The following SLCO1B3 variants were observed in gnomAD, a reference collection of about 807,000 sequenced individuals.
SLCO1B3 encodes liver-specific organic anion transporter 2.
In SLCO1B3, 72 loss-of-function variants were observed where a neutral mutation model predicts 71.8. The observed-to-expected ratio is 1.00, with a 90% CI of 0.83 to 1.22. The LOEUF (loss-of-function observed/expected upper bound fraction) is 1.22, where lower values mean the gene tolerates loss of function less well. SLCO1B3 is among the 50% of genes most tolerant of loss of function. The pLI, the probability that SLCO1B3 is intolerant of heterozygous loss-of-function variation, is 0.00. For missense variants in SLCO1B3, 911 were observed against 819.7 expected (o/e 1.11, Z -1.36); for synonymous variants, 298 against 278.4 (o/e 1.07, Z -0.70).
chr12:20,827,143 ACCATG>A (rs2121113888), intron 3 of SLCO1B3, among the ~76,000 whole-genome samples: 2 of 110,184 alleles, frequency 1.8e-5, no homozygotes, highest in African/African-American at 8.1e-5. Flanking sequence ...CACAAAGATG[ACCATG>A]TTTTGGGTTA....
intron 15 of SLCO1B3, chr12:20,901,886 T>C: frequency 2.3e-6 from 1 of 438,310 alleles, no homozygotes; most frequent in Non-Finnish European, 4.5e-6. Flanking sequence ...GTTTCATTAC[T>C]CTTCTATTCA....
At chr12:20,905,369 G>A (rs1866222151) in intron 15 of SLCO1B3, among the ~76,000 whole-genome samples, 1 of 152,184 alleles carries the variant, frequency 6.6e-6, no homozygotes, top group Non-Finnish European at 1.5e-5. Context: ...AATTTCTACA[G>A]CAGGCTTGAT....
chr12:20,897,293 C>G (rs962995758), intron 13 of SLCO1B3, among the ~76,000 whole-genome samples: 2 of 151,678 alleles, frequency 1.3e-5, no homozygotes, highest in African/African-American at 4.8e-5. Context: ...TAGTTTTTGT[C>G]TTTTAAAATT....
At chr12:20,907,626 A>G (rs1866278881) in intron 15 of SLCO1B3, among the ~76,000 whole-genome samples, 1 of 149,948 alleles carries the variant, frequency 6.7e-6, no homozygotes. Flanking sequence ...CTCTTGCCTC[A>G]GCCTCCTGAG....
chr12:20,856,519 A>C (rs989032826), intron 4 of SLCO1B3, among the ~76,000 whole-genome samples: 1 of 152,212 alleles, frequency 6.6e-6, no homozygotes, highest in Non-Finnish European at 1.5e-5. Flanking sequence ...TAAAGCATAC[A>C]GGAGGATGTT....
intron 15 of SLCO1B3, among the ~76,000 whole-genome samples, chr12:20,914,309 C>T (rs2120470662): frequency 6.6e-6 from 1 of 151,722 alleles, no homozygotes; most frequent in African/African-American, 2.4e-5. Flanking sequence ...AGTGATTTTC[C>T]TAGAATTTGC....
intron 1 of SLCO1B3, among the ~76,000 whole-genome samples, chr12:20,812,245 C>G (rs895738106): frequency 6.6e-6 from 1 of 151,942 alleles, no homozygotes; most frequent in African/African-American, 2.4e-5. Context: ...GATGAGAAAC[C>G]AAGTGCCCAC....
chr12:20,871,768 C>T (rs1382576691), intron 8 of SLCO1B3, among the ~76,000 whole-genome samples: 1 of 152,138 alleles, frequency 6.6e-6, no homozygotes, highest in Non-Finnish European at 1.5e-5. Context: ...ACTGGGGGTT[C>T]ACTGATGCAA....
At chr12:20,868,416 C>T (rs996298547) in intron 8 of SLCO1B3, among the ~76,000 whole-genome samples, 9 of 151,946 alleles carry the variant, frequency 5.9e-5, no homozygotes, top group Non-Finnish European at 7.4e-5. Flanking sequence ...TGTTGTACAG[C>T]GGATCTCTAG....
chr12:20,905,766 G>A (rs1381698885), intron 15 of SLCO1B3, among the ~76,000 whole-genome samples: 1 of 152,156 alleles, frequency 6.6e-6, no homozygotes, highest in Non-Finnish European at 1.5e-5. Flanking sequence ...CAGTCTCTAG[G>A]AAGTTTCAAT....
chr12:20,851,543 A>C (rs967458573), intron 3 of SLCO1B3, among the ~76,000 whole-genome samples: 2 of 152,064 alleles, frequency 1.3e-5, no homozygotes, highest in Non-Finnish European at 2.9e-5. Flanking sequence ...TAAGTTGCAG[A>C]AGTTACTTAT....
intron 8 of SLCO1B3, among the ~76,000 whole-genome samples, chr12:20,865,254 C>G (rs906047219): frequency 6.6e-6 from 1 of 152,078 alleles, no homozygotes; most frequent in Non-Finnish European, 1.5e-5. Context: ...TAGTCATTTC[C>G]TGAAGTCTGC....
intron 13 of SLCO1B3, among the ~76,000 whole-genome samples, chr12:20,886,478 A>G (rs1485288002): frequency 1.3e-5 from 2 of 152,116 alleles, no homozygotes; most frequent in South Asian, 2.1e-4. Flanking sequence ...ACTAAAGGAA[A>G]CTGAGGAGGT....
chr12:20,837,872 T>A (rs1434504334), intron 3 of SLCO1B3, among the ~76,000 whole-genome samples: 1 of 152,080 alleles, frequency 6.6e-6, no homozygotes, highest in Non-Finnish European at 1.5e-5. Context: ...AGGTCAAGTA[T>A]TTTCTATCTG....
chr12:20,816,215 A>G (rs528601744), intron 3 of SLCO1B3, among the ~76,000 whole-genome samples: 95 of 152,294 alleles, frequency 6.2e-4, no homozygotes, highest in African/African-American at 2.0e-3. Context: ...ACACCATCCA[A>G]TTATACTTTA....
intron 12 of SLCO1B3, among the ~76,000 whole-genome samples, chr12:20,882,369 A>G (rs1194367360): frequency 6.6e-6 from 1 of 152,178 alleles, no homozygotes; most frequent in East Asian, 1.9e-4. Context: ...AAAGGAAAAA[A>G]GGAATCTTTC....
At chr12:20,848,528 G>A (rs1357082616) in intron 3 of SLCO1B3, among the ~76,000 whole-genome samples, 8 of 152,130 alleles carry the variant, frequency 5.3e-5, no homozygotes, top group East Asian at 1.9e-4. Flanking sequence ...ATAAAAGCCT[G>A]CACACAAGTG....
intron 3 of SLCO1B3, among the ~76,000 whole-genome samples, chr12:20,826,173 A>G (rs1478751691): frequency 6.6e-6 from 1 of 152,176 alleles, no homozygotes; most frequent in Non-Finnish European, 1.5e-5. Flanking sequence ...AATTAAAGCC[A>G]AGAGCACAGA....
chr12:20,828,253 T>C (rs1864468010), intron 3 of SLCO1B3, among the ~76,000 whole-genome samples: 1 of 151,812 alleles, frequency 6.6e-6, no homozygotes, highest in Non-Finnish European at 1.5e-5. Flanking sequence ...CCACACCCTT[T>C]TGTATCTTAA....
Sources: allele counts gnomAD v4.1 joint callset (sites outside exome capture counted in the v4.1 genomes callset), GRCh38; gene constraint gnomAD v4.1.1; transcripts MANE v1.5; gene names NCBI Gene and HGNC (gene_info 2026-07-23, HGNC 2026-07-21).